PRKN: variants seen among roughly 807,000 people sequenced by gnomAD.
The protein encoded by PRKN is E3 ubiquitin-protein ligase parkin.
A neutral mutation model predicts 59.5 loss-of-function variants in PRKN; 56 were observed. The ratio of observed to expected loss-of-function variants is 0.94; its 90% confidence interval spans 0.76 to 1.18. The LOEUF (loss-of-function observed/expected upper bound fraction) is 1.18, where lower values mean the gene tolerates loss of function less well. Ranked by LOEUF, PRKN falls within the 50% of genes most tolerant of loss-of-function variation. The pLI is 0.00. For synonymous variants in PRKN, 250 were observed against 222.1 expected (o/e 1.13, Z -1.12); for missense variants, 657 against 596.4 (o/e 1.10, Z -1.06).
At chr6:162,242,424 A>G (rs1263014061) in intron 3 of PRKN, among the ~76,000 whole-genome samples, 1 of 152,164 alleles carries the variant, frequency 6.6e-6, no homozygotes, top group African/African-American at 2.4e-5. Flanking sequence ...CTTAGTAGTC[A>G]GAGCGACATA....
intron 2 of PRKN, among the ~76,000 whole-genome samples, chr6:162,345,429 C>A (rs1026881414): frequency 1.3e-5 from 2 of 152,156 alleles, no homozygotes; most frequent in Non-Finnish European, 2.9e-5. Flanking sequence ...CTGCTGATTG[C>A]ATATTGTGGT....
intron 2 of PRKN, among the ~76,000 whole-genome samples, chr6:162,363,230 G>A (rs1785247433): frequency 6.6e-6 from 1 of 151,770 alleles, no homozygotes; most frequent in Non-Finnish European, 1.5e-5. Context: ...GCCCAGGCAC[G>A]TGTCTGTATT....
At chr6:162,579,900 T>C (rs770002582) in intron 1 of PRKN, among the ~76,000 whole-genome samples, 2 of 152,212 alleles carry the variant, frequency 1.3e-5, no homozygotes, top group African/African-American at 2.4e-5. Flanking sequence ...CATGCCGACA[T>C]ATACACAGAA....
At chr6:161,528,464 T>C (rs1186226158) in intron 9 of PRKN, among the ~76,000 whole-genome samples, 1 of 151,748 alleles carries the variant, frequency 6.6e-6, no homozygotes, top group Non-Finnish European at 1.5e-5. Flanking sequence ...CCAGTGAAAA[T>C]GGGAAATAAG....
chr6:161,953,253 A>G (rs1780052900), intron 6 of PRKN, among the ~76,000 whole-genome samples: 1 of 152,108 alleles, frequency 6.6e-6, no homozygotes, highest in Admixed American at 6.5e-5. Context: ...CTAGGACCAC[A>G]GGTGTGTGCC....
intron 7 of PRKN, among the ~76,000 whole-genome samples, chr6:161,680,763 A>ATTTTTTT (rs1785313984): frequency 4.9e-4 from 5 of 10,160 alleles, no homozygotes; most frequent in African/African-American, 1.7e-3. Flanking sequence ...ATATATATAT[A>ATTTTTTT]TATATATATA....
At chr6:161,918,597 T>A (rs912402717) in intron 6 of PRKN, among the ~76,000 whole-genome samples, 1 of 152,172 alleles carries the variant, frequency 6.6e-6, no homozygotes, top group Non-Finnish European at 1.5e-5. Context: ...TCAGGTTATA[T>A]AATCATGGTG....
At chr6:162,450,405 A>G (rs9356022) in intron 1 of PRKN, among the ~76,000 whole-genome samples, 21,017 of 120,452 alleles carry the variant, frequency 0.17, 1,464 homozygotes, top group African/African-American at 0.32. Context: ...AAACGCCCCT[A>G]TGATTGTAAC....
chr6:161,822,431 T>C (rs1792070110), intron 6 of PRKN, among the ~76,000 whole-genome samples: 1 of 152,164 alleles, frequency 6.6e-6, no homozygotes, highest in South Asian at 2.1e-4. Context: ...ATCCCAGCAC[T>C]TTAGGAAGCC....
At chr6:162,318,493 T>A (rs895211612) in intron 2 of PRKN, among the ~76,000 whole-genome samples, 1 of 152,086 alleles carries the variant, frequency 6.6e-6, no homozygotes, top group Non-Finnish European at 1.5e-5. Flanking sequence ...AGAAATGAAA[T>A]TGCTGGGTGA....
intron 2 of PRKN, among the ~76,000 whole-genome samples, chr6:162,313,238 C>A (rs994584959): frequency 3.3e-5 from 5 of 152,102 alleles, no homozygotes; most frequent in Non-Finnish European, 7.4e-5. Context: ...AAACTCTATA[C>A]TCATTAAAGC....
chr6:161,435,445 C>G (rs1041881476), intron 9 of PRKN, among the ~76,000 whole-genome samples: 7 of 152,048 alleles, frequency 4.6e-5, no homozygotes, highest in Non-Finnish European at 7.4e-5. Context: ...CACTGAGCTT[C>G]TACTTTGTGC....
Position 161,364,473 on chromosome 6 carries a change from C to CAA in PRKN, c.1168-4270_1168-4269dup, listed in dbSNP as rs57773007. Among the ~76,000 whole-genome samples the CAA allele has an allele frequency of 8.4e-4, 32 of 37,894 alleles. 6 individuals carry two copies. The highest frequency in any genetic ancestry group is 2.8e-3 in the African/African-American group (24 of 8,490). 24.9% of individuals were successfully genotyped at this position (37,894 alleles called of 152,430 possible). On this transcript the variant is annotated intron_variant, in intron 10 of 11. Transcript: ENST00000366898. Reference sequence around the variant, plus strand: ...ACTCCATCTGCCACCACCCGCCCCGCAAAAAAAAAAAAAAAAAAAAAAAAA... The same window carrying CAA: ...ACTCCATCTGCCACCACCCGCCCCGCAAAAAAAAAAAAAAAAAAAAAAAAAAA...
At chr6:162,223,918 C>T (rs1005769261) in intron 3 of PRKN, among the ~76,000 whole-genome samples, 3 of 151,882 alleles carry the variant, frequency 2.0e-5, no homozygotes, top group Non-Finnish European at 4.4e-5. Flanking sequence ...TCCAATGTAT[C>T]CCTTTTTAAA....
At chr6:161,777,883 T>C (rs576434123) in intron 7 of PRKN, among the ~76,000 whole-genome samples, 2 of 135,976 alleles carry the variant, frequency 1.5e-5, no homozygotes, top group South Asian at 5.0e-4. Flanking sequence ...TACGTATATA[T>C]GTATATATAT....
At chr6:161,421,189 G>A (rs1178514719) in intron 9 of PRKN, among the ~76,000 whole-genome samples, 2 of 152,218 alleles carry the variant, frequency 1.3e-5, no homozygotes, top group African/African-American at 4.8e-5. Flanking sequence ...CACCAGGAGA[G>A]TTGAGGCATT....
chr6:161,374,738 GGT>G (rs531395740), intron 10 of PRKN, among the ~76,000 whole-genome samples: 69 of 151,206 alleles, frequency 4.6e-4, no homozygotes, highest in African/African-American at 1.2e-3. Context: ...ACATATGTGT[GGT>G]GTGTGTGTGT....
In PRKN at chr6:162,226,094, TAATAA is replaced by T. The variant is rs1464779443; in HGVS notation, c.413-24847_413-24843del. Among the ~76,000 whole-genome samples the T allele has an allele frequency of 4.5e-4, 36 of 80,854 alleles. No homozygotes were observed. The East Asian group carries it at 0.017, about 39-fold the overall frequency. 53.0% of individuals were successfully genotyped at this position (80,854 alleles called of 152,430 possible). On this transcript the variant is annotated intron_variant, in intron 3 of 11. Coordinates refer to ENST00000366898, the MANE Select transcript of PRKN (RefSeq NM_004562.3). ...ATAATAATAATAATAATAATAATAA[TAATAA>T]AATTAGATCAAACTGGGCAGGTTAG... is the stretch of plus-strand genomic sequence containing the variant.
At chr6:161,762,846 G>C (rs1789257943) in intron 7 of PRKN, among the ~76,000 whole-genome samples, 1 of 152,162 alleles carries the variant, frequency 6.6e-6, no homozygotes, top group African/African-American at 2.4e-5. Flanking sequence ...TCAAGTTGAA[G>C]TTTTCAATTA....
Sources: gnomAD v4.1 joint callset for allele counts (sites outside exome capture counted in the v4.1 genomes callset) on GRCh38, gnomAD v4.1.1 for gene constraint, MANE v1.5 for transcripts, NCBI Gene and HGNC (gene_info 2026-07-23, HGNC 2026-07-21) for gene names.